The following FAF1 variants were observed in gnomAD, a reference collection of about 807,000 sequenced individuals.
The protein encoded by FAF1 is Fas associated factor 1, also known as FAS-associated factor 1.
A neutral mutation model predicts 92.5 loss-of-function variants in FAF1; 25 were observed. That is an observed-to-expected ratio of 0.27 (90% CI 0.20 to 0.38). The LOEUF is 0.38. Ranked by LOEUF, FAF1 falls within the 10% of genes least tolerant of loss-of-function variation. FAF1 has a pLI of 1.00. For synonymous variants in FAF1, 234 were observed against 273.2 expected (o/e 0.86, Z 1.42); for missense variants, 636 against 793.3 (o/e 0.80, Z 2.38).
At chr1:50,593,390 C>G (rs901531409) in intron 9 of FAF1, among the ~76,000 whole-genome samples, 3 of 152,128 alleles carry the variant, frequency 2.0e-5, no homozygotes, top group Admixed American at 6.6e-5. Context: ...AGATAGGACA[C>G]AGAATAATTA....
intron 1 of FAF1, among the ~76,000 whole-genome samples, chr1:50,889,580 G>A (rs1644701775): frequency 6.6e-6 from 1 of 152,118 alleles, no homozygotes; most frequent in South Asian, 2.1e-4. Context: ...GTTCTCATTG[G>A]TTTCAAAGAA....
At position 50,490,626 on chromosome 1, in the gene FAF1, A is replaced by C; in HGVS notation, c.1615T>G (p.Leu539Val). Residue 539 changes from leucine to valine, a missense_variant, in exon 17 of 19, where the codon TTG (leucine) becomes GTG (valine). Leu to Val is a conservative substitution (Grantham distance 32, BLOSUM62 1). This residue lies in a region of FAF1 where 319 missense variants were observed against 451.0 expected (regional missense o/e 0.71). Coordinates refer to ENST00000396153, the MANE Select transcript of FAF1 (RefSeq NM_007051.3). ...TCTTGTTCTTTGCGAATCTGCTCCA[A>C]ACGAAACTGTTCTGCCATCTCTCTC... Reference protein sequence around the residue: ...HEREMAEQFRLEQIRKEQEEE... With the variant: ...HEREMAEQFRVEQIRKEQEEE... 1 of 1,613,518 alleles carries C rather than the reference A, an allele frequency of 6.2e-7. No homozygotes were observed. The highest frequency in any genetic ancestry group is 8.5e-7 in the Non-Finnish European group (1 of 1,179,424).
rs994765232 is a variant in FAF1, at chr1:50,749,405, C to A, written c.368-4630G>T. Among the ~76,000 whole-genome samples the A allele has an allele frequency of 2.0e-5, 3 of 152,068 alleles. No individual in the cohort carries two copies. In the South Asian group the frequency reaches 6.2e-4, roughly 32 times the overall value. ...ACTCTTGCAGAAAGCCTGGGTAACA[C>A]ATGAGACAAATAGCCTTTTGTTCCA... On this transcript the variant is annotated intron_variant, in intron 4 of 18. Transcript: ENST00000396153.
At chr1:50,749,792 G>GAA (rs374146304) in intron 4 of FAF1, among the ~76,000 whole-genome samples, 10 of 133,192 alleles carry the variant, frequency 7.5e-5, no homozygotes, top group Non-Finnish European at 4.9e-5. Context: ...CTGTCTCAGA[G>GAA]AAAAAAAAAA....
In FAF1 at chr1:50,861,448, C is replaced by T. The variant is rs146951386; in HGVS notation, c.46-3451G>A. On this transcript the variant is annotated intron_variant, in intron 1 of 18. Transcript: ENST00000396153. ...GCCATTATCCTTAGTGAAATGACCCCGAAACAGAAAGTCAAAAACCGTATG... is the reference window on the plus strand; with the variant it reads ...GCCATTATCCTTAGTGAAATGACCCTGAAACAGAAAGTCAAAAACCGTATG... 1.2e-4 allele frequency among the ~76,000 whole-genome samples: 18 copies of T among 151,606 alleles called. No individual in the cohort carries two copies. In the South Asian group the frequency reaches 1.9e-3, roughly 16 times the overall value.
chr1:50,639,310 A>G (rs947789243), intron 8 of FAF1, among the ~76,000 whole-genome samples: 1 of 152,234 alleles, frequency 6.6e-6, no homozygotes, highest in Non-Finnish European at 1.5e-5. Context: ...TGGAAAATAT[A>G]TAAGAGTTGA....
chr1:50,514,321 A>T (rs1647178821), intron 15 of FAF1, among the ~76,000 whole-genome samples: 1 of 152,170 alleles, frequency 6.6e-6, no homozygotes, highest in Non-Finnish European at 1.5e-5. Context: ...ACACCAAATG[A>T]GCATTTGGTT....
At chr1:50,858,132 T>G (rs1046062572) in intron 1 of FAF1, 135 bp from the exon 2 acceptor site, 2 of 527,964 alleles carry the variant, frequency 3.8e-6, no homozygotes. Flanking sequence ...CACTAAAAGT[T>G]TAACACTTCT....
chr1:50,636,266 A>G (rs74080034), intron 8 of FAF1, among the ~76,000 whole-genome samples: 4,721 of 152,148 alleles, frequency 0.031, 240 homozygotes, highest in African/African-American at 0.11. Flanking sequence ...TTTTCAAATT[A>G]TAGAAAATTT....
At chr1:50,919,367 C>A (rs576194786) in intron 1 of FAF1, among the ~76,000 whole-genome samples, 39 of 151,716 alleles carry the variant, frequency 2.6e-4, no homozygotes, top group Non-Finnish European at 4.9e-4. Flanking sequence ...TTTATTATTT[C>A]TTATATTCTT....
In FAF1 at chr1:50,439,842, AT is replaced by A. The variant is rs1268871861; in HGVS notation, c.*1597del. On this transcript the variant is annotated 3_prime_UTR_variant, in exon 19 of 19. Transcript: ENST00000396153. ...GAACACTTCCCCTGAAGGGAGACCC[AT>A]GGGTCTCTCAGCCTCCCTAGAGAGA... is the stretch of plus-strand genomic sequence containing the variant. 1 of 152,230 alleles carries A rather than the reference AT, an allele frequency of 6.6e-6. No individual in the cohort carries two copies. Among genetic ancestry groups the A allele is most frequent in the Non-Finnish European group, 1.5e-5 (1 of 68,052 alleles). The allele number at this position is 152,230 out of a possible 1,614,324, so 9.4% of individuals were successfully genotyped here.
At chr1:50,656,127 T>C (rs1655098449) in intron 7 of FAF1, among the ~76,000 whole-genome samples, 1 of 151,898 alleles carries the variant, frequency 6.6e-6, no homozygotes, top group East Asian at 1.9e-4. Context: ...AGGTCAGGAG[T>C]TCGAGACCAG....
intron 7 of FAF1, among the ~76,000 whole-genome samples, chr1:50,657,971 G>A (rs1655200164): frequency 6.6e-6 from 1 of 152,062 alleles, no homozygotes; most frequent in Admixed American, 6.6e-5. Flanking sequence ...CACATCATTT[G>A]GAAATTTTTA....
At chr1:50,475,747 C>A in intron 17 of FAF1, 68 bp from the exon 18 acceptor site, 1 of 1,065,886 alleles carries the variant, frequency 9.4e-7, no homozygotes, top group Admixed American at 2.7e-5. Flanking sequence ...GGGAGGAAGA[C>A]ACCAGAAAAA....
intron 13 of FAF1, among the ~76,000 whole-genome samples, chr1:50,540,313 T>C (rs896538221): frequency 5.9e-5 from 9 of 152,042 alleles, no homozygotes; most frequent in Admixed American, 3.9e-4. Context: ...CTTTAAACTA[T>C]GAGAAAAACA....
At chr1:50,861,419 G>A (rs917436752) in intron 1 of FAF1, among the ~76,000 whole-genome samples, 7 of 151,740 alleles carry the variant, frequency 4.6e-5, no homozygotes, top group Non-Finnish European at 1.0e-4. Flanking sequence ...GGATGAATCT[G>A]GAGGCCATTA....
intron 6 of FAF1, among the ~76,000 whole-genome samples, chr1:50,723,746 T>C (rs1658510102): frequency 6.6e-6 from 1 of 151,208 alleles, no homozygotes; most frequent in Non-Finnish European, 1.5e-5. Context: ...ACCCCATCTC[T>C]TTTTTTTTCT....
chr1:50,792,109 T>C (rs1217246271), intron 3 of FAF1, among the ~76,000 whole-genome samples: 2 of 152,212 alleles, frequency 1.3e-5, no homozygotes, highest in African/African-American at 4.8e-5. Flanking sequence ...TTGACTATTT[T>C]GATGGTAATA....
intron 13 of FAF1, among the ~76,000 whole-genome samples, chr1:50,556,856 TATAAA>T (rs998661342): frequency 5.9e-5 from 9 of 151,266 alleles, no homozygotes; most frequent in Middle Eastern, 3.4e-3. Context: ...AATAAAATAA[TATAAA>T]ATAAAATAAA....
Sources: allele counts gnomAD v4.1 joint callset (sites outside exome capture counted in the v4.1 genomes callset), GRCh38; gene constraint gnomAD v4.1.1; regional missense constraint gnomAD v4.1.1; transcripts MANE v1.5; gene names NCBI Gene and HGNC (gene_info 2026-07-23, HGNC 2026-07-21).